SLIT3: variants seen among roughly 807,000 people sequenced by gnomAD.
SLIT3 encodes slit homolog 3 protein.
SLIT3 carries 68 observed loss-of-function variants against 184.0 expected under a neutral mutation model. The observed-to-expected ratio is 0.37, with a 90% CI of 0.30 to 0.45. The LOEUF (loss-of-function observed/expected upper bound fraction) is 0.45, where lower values mean the gene tolerates loss of function less well. Ranked by LOEUF, SLIT3 falls within the 20% of genes least tolerant of loss-of-function variation. The pLI is 1.00. For missense variants in SLIT3, 1,707 were observed against 2,026.0 expected, an observed-to-expected ratio of 0.84 and a Z score of 3.02; for synonymous variants, 831 against 828.6, an observed-to-expected ratio of 1.00 and a Z score of -0.05.
intron 7 of SLIT3, among the ~76,000 whole-genome samples, chr5:168,818,750 T>C (rs1440729614): frequency 6.6e-6 from 1 of 152,160 alleles, no homozygotes; most frequent in Non-Finnish European, 1.5e-5. Flanking sequence ...CTCCACTTAG[T>C]GTAAGGTCAA....
chr5:169,275,670 C>A (rs1473152515), intron 1 of SLIT3, among the ~76,000 whole-genome samples: 1 of 152,118 alleles, frequency 6.6e-6, no homozygotes, highest in Middle Eastern at 3.2e-3. Context: ...GAGTGGAATG[C>A]CCTGATAAAC....
chr5:168,685,604 G>T, intron 31 of SLIT3, 83 bp downstream of exon 31: 1 of 1,467,816 alleles, frequency 6.8e-7, no homozygotes, highest in Non-Finnish European at 9.1e-7. Flanking sequence ...CTGTTAAGAT[G>T]GGGCATTCCA....
At position 168,963,942 on chromosome 5, in the gene SLIT3, G is replaced by A. The variant is rs1017851382; in HGVS notation, c.414-80606C>T. On this transcript the variant is annotated intron_variant, in intron 4 of 35. Coordinates refer to ENST00000519560, the MANE Select transcript of SLIT3 (RefSeq NM_003062.4). ...AAGGGAGGAGGGAACCCCTCCAACT[G>A]GATTTTAAAAGACCTACTGAGCAAT... Among the ~76,000 whole-genome samples the A allele has an allele frequency of 4.6e-5, 7 of 152,252 alleles. No individual in the cohort carries two copies. In the South Asian group the frequency reaches 1.4e-3, roughly 32 times the overall value.
At chr5:169,207,002 A>G (rs1764090795) in intron 3 of SLIT3, among the ~76,000 whole-genome samples, 1 of 150,862 alleles carries the variant, frequency 6.6e-6, no homozygotes, top group Non-Finnish European at 1.5e-5. Flanking sequence ...GGCACTTTTC[A>G]GATTGCATTG....
chr5:168,922,282 C>T (rs1444776850), intron 4 of SLIT3, among the ~76,000 whole-genome samples: 1 of 151,726 alleles, frequency 6.6e-6, no homozygotes, highest in Non-Finnish European at 1.5e-5. Flanking sequence ...ATGGTGAAAC[C>T]CTGTCTCTCT....
intron 23 of SLIT3, among the ~76,000 whole-genome samples, chr5:168,718,899 T>C (rs556070029): frequency 2.6e-4 from 39 of 152,340 alleles, no homozygotes; most frequent in Non-Finnish European, 4.7e-4. Context: ...TCTGAAAGTT[T>C]AATTAAAAGA....
At position 168,762,620 on chromosome 5, in the gene SLIT3, C is replaced by A; in HGVS notation, c.1529G>T (p.Arg510Leu). 6.2e-7 allele frequency: 1 copy of A among 1,614,102 alleles called. No individual in the cohort carries two copies. Among genetic ancestry groups the A allele is most frequent in the African/African-American group, 1.3e-5 (1 of 75,016 alleles). The change falls in exon 15 of 36, where the codon CGC becomes CTC. Residue 510 changes from arginine (R) to leucine (L), a missense_variant. By Grantham distance (102) the Arg-to-Leu change is moderately radical. Coordinates refer to ENST00000519560, the MANE Select transcript of SLIT3 (RefSeq NM_003062.4). ...FMDLVCPEKC[R>L]CEGTIVDCSN... ...GCAGTCCACAATCGTGCCCTCACAG[C>A]GACACTTCTCGGGGCACACGAGGTC...
chr5:169,016,647 T>A (rs1756390742), intron 4 of SLIT3, among the ~76,000 whole-genome samples: 1 of 152,214 alleles, frequency 6.6e-6, no homozygotes, highest in African/African-American at 2.4e-5. Context: ...TCTCATTTAA[T>A]CCTCACAATA....
chr5:168,950,865 A>G (rs1382545709), intron 4 of SLIT3, among the ~76,000 whole-genome samples: 3 of 152,228 alleles, frequency 2.0e-5, no homozygotes, highest in South Asian at 2.1e-4. Flanking sequence ...GGCTCAGCAC[A>G]GTGTCGGATT....
chr5:168,885,195 A>G (rs528298581), intron 4 of SLIT3, among the ~76,000 whole-genome samples: 36 of 152,306 alleles, frequency 2.4e-4, no homozygotes, highest in Non-Finnish European at 4.7e-4. Context: ...TAGGCCCACA[A>G]AACAAGGCTG....
chr5:169,142,608 G>A (rs939666046), intron 4 of SLIT3, among the ~76,000 whole-genome samples: 1 of 152,216 alleles, frequency 6.6e-6, no homozygotes, highest in Admixed American at 6.5e-5. Context: ...GCACTTGCAT[G>A]GCTGGCCAAG....
intron 4 of SLIT3, among the ~76,000 whole-genome samples, chr5:169,126,141 C>T (rs762329816): frequency 2.6e-5 from 4 of 152,176 alleles, no homozygotes; most frequent in Non-Finnish European, 4.4e-5. Flanking sequence ...AATGGCACAT[C>T]GTTAGACATC....
At chr5:168,754,159 G>A (rs1409692189) in intron 16 of SLIT3, 152 bp from the exon 17 acceptor site, 1 of 755,348 alleles carries the variant, frequency 1.3e-6, no homozygotes, top group Non-Finnish European at 2.1e-6. Flanking sequence ...GGGGCTCCCT[G>A]AACTTTGGTC....
At chr5:169,073,244 A>G (rs901489348) in intron 4 of SLIT3, among the ~76,000 whole-genome samples, 4 of 152,184 alleles carry the variant, frequency 2.6e-5, no homozygotes, top group Non-Finnish European at 5.9e-5. Context: ...CAGAGGCATT[A>G]GCACATTAAA....
chr5:168,827,069 C>T (rs796143789), intron 6 of SLIT3, among the ~76,000 whole-genome samples: 6 of 152,124 alleles, frequency 3.9e-5, no homozygotes, highest in South Asian at 4.2e-4. Flanking sequence ...CAGCCTGTAT[C>T]GTTTCATTTA....
intron 4 of SLIT3, among the ~76,000 whole-genome samples, chr5:168,943,252 C>T (rs1762378351): frequency 6.6e-6 from 1 of 152,130 alleles, no homozygotes; most frequent in Non-Finnish European, 1.5e-5. Context: ...TTCCAAAGAA[C>T]AGCTCCATGG....
At chr5:168,750,443 C>T (rs375941689) in intron 18 of SLIT3, among the ~76,000 whole-genome samples, 10 of 152,310 alleles carry the variant, frequency 6.6e-5, no homozygotes, top group African/African-American at 1.4e-4. Flanking sequence ...CTTATTTAAG[C>T]GGGACAGACA....
intron 12 of SLIT3, among the ~76,000 whole-genome samples, chr5:168,775,904 C>G (rs1257586289): frequency 1.3e-5 from 2 of 152,188 alleles, no homozygotes; most frequent in African/African-American, 4.8e-5. Context: ...GCTGGCAAGT[C>G]AAGCACATTG....
At chr5:168,752,889 T>C (rs1203402749) in intron 18 of SLIT3, 66 bp downstream of exon 18, 2 of 1,496,758 alleles carry the variant, frequency 1.3e-6, no homozygotes, top group African/African-American at 2.8e-5. Context: ...AGCAGGGAGC[T>C]GGGAGGAGAG....
Sources: gnomAD v4.1 joint callset for allele counts (sites outside exome capture counted in the v4.1 genomes callset) on GRCh38, gnomAD v4.1.1 for gene constraint, MANE v1.5 for transcripts, NCBI Gene and HGNC (gene_info 2026-07-23, HGNC 2026-07-21) for gene names.